The following NODAL variants were observed in gnomAD, a reference collection of about 807,000 sequenced individuals.
NODAL encodes the protein nodal growth differentiation factor.
In NODAL, 12 loss-of-function variants were observed where a neutral mutation model predicts 34.0. That is an observed-to-expected ratio of 0.35 (90% CI 0.23 to 0.57). The LOEUF is 0.57. Ranked by LOEUF, NODAL falls within the 20% of genes least tolerant of loss-of-function variation. The pLI is 0.83. For synonymous variants in NODAL, 162 were observed against 186.4 expected, an observed-to-expected ratio of 0.87 and a Z score of 1.07; for missense variants, 390 against 444.2, an observed-to-expected ratio of 0.88 and a Z score of 1.10.
At chr10:70,440,556 C>CT (rs1845414834) in intron 1 of NODAL, among the ~76,000 whole-genome samples, 1 of 152,050 alleles carries the variant, frequency 6.6e-6, no homozygotes, top group African/African-American at 2.4e-5. Context: ...CTGGCCCCCG[C>CT]AGGCGGAGGG....
At chr10:70,438,561 C>T (rs185545301) in intron 1 of NODAL, among the ~76,000 whole-genome samples, 1 of 152,294 alleles carries the variant, frequency 6.6e-6, no homozygotes, top group East Asian at 1.9e-4. Context: ...GTTCAATAAA[C>T]ATTGGCCATC....
rs1845299802 is a variant in NODAL at position 70,433,561 on chromosome 10, C to T, written c.892-473G>A. ...TCCTGAGTAGCTGGGACTACAGGTA[C>T]ATGCCACCATGCCTGGCTAATTTTT... is the stretch of plus-strand genomic sequence containing the variant. On this transcript the variant is annotated intron_variant, in intron 2 of 2. Transcript: ENST00000287139. Among the ~76,000 whole-genome samples the T allele has an allele frequency of 2.6e-5, 4 of 151,894 alleles. No individual in the cohort carries two copies. The South Asian group carries it at 8.3e-4, about 32-fold the overall frequency.
chr10:70,447,791 T>G (rs766826984), intron 1 of NODAL: 5 of 442,428 alleles, frequency 1.1e-5, no homozygotes, highest in Non-Finnish European at 2.4e-5. Flanking sequence ...GGAGCAGGGG[T>G]GACCCCTGAC....
At chr10:70,447,818 C>A (rs1845504939) in intron 1 of NODAL, 12 of 464,520 alleles carry the variant, frequency 2.6e-5, no homozygotes, top group Non-Finnish European at 5.4e-5. Context: ...CTCTCTGAGG[C>A]CCCAGCCCCT....
chr10:70,445,310 T>G (rs915623976), upstream of NODAL, among the ~76,000 whole-genome samples: 2 of 152,160 alleles, frequency 1.3e-5, no homozygotes, highest in African/African-American at 4.8e-5. Flanking sequence ...CAGACTAGAG[T>G]GCAGTGGTGC....
intron 1 of NODAL, chr10:70,436,194 C>G: frequency 1.7e-6 from 1 of 599,722 alleles, no homozygotes; most frequent in Non-Finnish European, 3.0e-6. Flanking sequence ...AAGATCTGAC[C>G]AAGGTGTCAT....
At chr10:70,446,995 T>A (rs1845494555) in intron 1 of NODAL, among the ~76,000 whole-genome samples, 1 of 151,952 alleles carries the variant, frequency 6.6e-6, no homozygotes, top group Non-Finnish European at 1.5e-5. Flanking sequence ...TACTCATCTA[T>A]CAAGACACAG....
intron 1 of NODAL, among the ~76,000 whole-genome samples, chr10:70,438,473 G>C (rs1008634623): frequency 1.3e-5 from 2 of 152,178 alleles, no homozygotes; most frequent in African/African-American, 4.8e-5. Context: ...AAGGGAGATG[G>C]TAAAAGTAGC....
At chr10:70,440,831 G>A (rs982330820) in intron 1 of NODAL, among the ~76,000 whole-genome samples, 2 of 152,160 alleles carry the variant, frequency 1.3e-5, no homozygotes, top group East Asian at 3.9e-4. Context: ...GCGACTTCGG[G>A]ACAGCCCATC....
upstream of NODAL, among the ~76,000 whole-genome samples, chr10:70,444,635 A>AT (rs1218282298): frequency 6.6e-6 from 1 of 152,126 alleles, no homozygotes. Flanking sequence ...CCCTCCAGTG[A>AT]TTCTGATCAG....
At chr10:70,447,672 A>AG (rs942551161) in intron 1 of NODAL, among the ~76,000 whole-genome samples, 4 of 150,548 alleles carry the variant, frequency 2.7e-5, no homozygotes, top group East Asian at 2.0e-4. Flanking sequence ...GGAAAAAAAA[A>AG]AAGAAGAAGA....
At chr10:70,442,720 A>C (rs1845446129), upstream of NODAL, among the ~76,000 whole-genome samples, 1 of 152,164 alleles carries the variant, frequency 6.6e-6, no homozygotes, top group Admixed American at 6.5e-5. Flanking sequence ...ACACTTACTA[A>C]GCGCCAGGCA....
At chr10:70,435,170 T>G in intron 2 of NODAL, 116 bp downstream of exon 2, 1 of 895,650 alleles carries the variant, frequency 1.1e-6, no homozygotes, top group Non-Finnish European at 1.7e-6. Context: ...CCTGGTACAT[T>G]GGAGGTGCTT....
intron 1 of NODAL, chr10:70,436,282 C>T (rs934472121): frequency 2.7e-5 from 12 of 448,464 alleles, no homozygotes; most frequent in African/African-American, 4.0e-5. Context: ...ACTGTTCTTC[C>T]AGTCCCCCTT....
upstream of NODAL, among the ~76,000 whole-genome samples, chr10:70,443,207 C>T (rs1245815833): frequency 1.3e-5 from 2 of 152,210 alleles, no homozygotes; most frequent in African/African-American, 4.8e-5. Context: ...AGCCTTTGTC[C>T]TCTGTCTTAG....
rs1215144471 is a variant in NODAL at position 70,441,633 on chromosome 10, G to C, written c.35C>G (p.Ala12Gly). 3 of 1,551,684 alleles carry C rather than the reference G, an allele frequency of 1.9e-6. 1 individual carries two copies. Among genetic ancestry groups the C allele is most frequent in the South Asian group, 2.4e-5 (2 of 84,134 alleles). Residue 12 changes from alanine (A) to glycine (G), a missense_variant, in exon 1 of 3, where the codon GCC becomes GGC. Physicochemically the swap from Ala to Gly is moderately conservative, Grantham distance 60. Coordinates refer to ENST00000287139, the MANE Select transcript of NODAL (RefSeq NM_018055.5). ...ACCCGCCTGGAGTAGGGCCCACCAG[G>C]CGTGCAGAAGGAAGGGCAGGCAGTG... ...HAHCLPFLLH[A>G]WWALLQAGAA...
At chr10:70,442,013 T>G (rs1453095243), upstream of NODAL, among the ~76,000 whole-genome samples, 1 of 152,178 alleles carries the variant, frequency 6.6e-6, no homozygotes, top group Non-Finnish European at 1.5e-5. Flanking sequence ...GAACTGCGAC[T>G]TCCTTACTCG....
chr10:70,433,797 A>G (rs1845303364), intron 2 of NODAL, among the ~76,000 whole-genome samples: 1 of 152,210 alleles, frequency 6.6e-6, no homozygotes, highest in East Asian at 1.9e-4. Flanking sequence ...TCATGTGGAA[A>G]TTCTTATGGG....
chr10:70,432,855 G>A lies in NODAL; in HGVS notation c.*81C>T. The stretch of plus-strand genomic sequence containing the variant: ...TTGCCCCTCTCTGTTTCTCCTTACT[G>A]GATTAGATGGTTATCATGTCTTCCA... On this transcript the variant is annotated 3_prime_UTR_variant, in exon 3 of 3. Coordinates refer to ENST00000287139, the MANE Select transcript of NODAL (RefSeq NM_018055.5). The A allele has an allele frequency of 6.5e-7, 1 of 1,541,620 alleles. No homozygotes were observed. The highest frequency in any genetic ancestry group is 9.0e-7 in the Non-Finnish European group (1 of 1,116,722).
Sources: allele counts gnomAD v4.1 joint callset (sites outside exome capture counted in the v4.1 genomes callset), GRCh38; gene constraint gnomAD v4.1.1; transcripts MANE v1.5; gene names NCBI Gene and HGNC (gene_info 2026-07-23, HGNC 2026-07-21).